The following IFTAP variants were observed in gnomAD, a reference collection of about 807,000 sequenced individuals.
IFTAP encodes the protein intraflagellar transport associated protein, also known as intraflagellar transport-associated protein.
In IFTAP, 19 loss-of-function variants were observed where a neutral mutation model predicts 19.4. That is an observed-to-expected ratio of 0.98 (90% CI 0.68 to 1.44). The LOEUF is 1.44. Among genes scored for constraint, IFTAP ranks in the 40% most tolerant of loss-of-function variants. The pLI is 0.00. For synonymous variants in IFTAP, 85 were observed against 83.5 expected (o/e 1.02, Z -0.10); for missense variants, 240 against 253.6 (o/e 0.95, Z 0.36).
At chr11:36,610,457 A>G (rs1359236967) in intron 2 of IFTAP, among the ~76,000 whole-genome samples, 3 of 152,192 alleles carry the variant, frequency 2.0e-5, no homozygotes, top group Non-Finnish European at 4.4e-5. Flanking sequence ...TGGTGTCAGA[A>G]CCACAGAATT....
intron 2 of IFTAP, among the ~76,000 whole-genome samples, chr11:36,622,719 T>G (rs16929190): frequency 0.012 from 1,820 of 152,264 alleles, 21 homozygotes; most frequent in East Asian, 0.031. Flanking sequence ...TGTGTAAAGT[T>G]TTATGATTGG....
intron 1 of IFTAP, chr11:36,598,194 C>T (rs1222629799): frequency 6.6e-6 from 1 of 151,972 alleles, no homozygotes; most frequent in African/African-American, 2.4e-5. Flanking sequence ...CACTGACTGC[C>T]CACTATGACT....
At chr11:36,629,177 ATAT>A (rs1436982435) in intron 2 of IFTAP, among the ~76,000 whole-genome samples, 1 of 151,346 alleles carries the variant, frequency 6.6e-6, no homozygotes, top group Admixed American at 6.6e-5. Flanking sequence ...TCAAGAGCAA[ATAT>A]TATTGTCCAG....
In IFTAP at chr11:36,636,097, T is replaced by C; in HGVS notation, c.338T>C (p.Ile113Thr). Residue 113 changes from isoleucine to threonine, a missense_variant, in exon 4 of 6, where the codon ATT (isoleucine) becomes ACT (threonine). Ile to Thr is a moderately conservative substitution (Grantham distance 89, BLOSUM62 -1). Coordinates refer to ENST00000334307, the MANE Select transcript of IFTAP (RefSeq NM_138787.4). ...GAAGATTTGGACATGGATGAAGAGA[T>C]TAAACCCCAAATGAGTGAGGGTATG... is the stretch of plus-strand genomic sequence containing the variant. ...DLEDLDMDEE[I>T]KPQMSEDLLL... 6 of 1,608,506 alleles carry C rather than the reference T, an allele frequency of 3.7e-6. No individual in the cohort carries two copies. The highest frequency in any genetic ancestry group is 4.3e-6 in the Non-Finnish European group (5 of 1,175,066).
In IFTAP at chr11:36,607,730, A is replaced by G. The variant is rs546487309; in HGVS notation, c.-23-2351A>G. ...CTCTTGTTGCCTAGGACGGAGTGCA[A>G]TGGTGTGATCTGGGCTCATCGCAAC... On this transcript the variant is annotated intron_variant, in intron 1 of 5. Coordinates refer to ENST00000334307, the MANE Select transcript of IFTAP (RefSeq NM_138787.4). 3.9e-5 allele frequency among the ~76,000 whole-genome samples: 6 copies of G among 152,144 alleles called. No individual in the cohort carries two copies. The South Asian group carries it at 6.2e-4, about 16-fold the overall frequency.
intron 2 of IFTAP, among the ~76,000 whole-genome samples, chr11:36,620,563 G>A (rs2133410099): frequency 6.6e-6 from 1 of 152,080 alleles, no homozygotes; most frequent in Non-Finnish European, 1.5e-5. Flanking sequence ...ACCTTCAGCT[G>A]AAGTTGTTAT....
At chr11:36,633,102 T>C (rs985891201) in intron 2 of IFTAP, among the ~76,000 whole-genome samples, 182 bp from the exon 3 acceptor site, 7 of 151,310 alleles carry the variant, frequency 4.6e-5, no homozygotes, top group Non-Finnish European at 8.8e-5. Flanking sequence ...TAATGTTATC[T>C]TTCTATCCAG....
At chr11:36,658,806 A>G (rs968500465) in intron 5 of IFTAP, among the ~76,000 whole-genome samples, 6 of 152,226 alleles carry the variant, frequency 3.9e-5, no homozygotes, top group African/African-American at 1.2e-4. Context: ...TCATTCAGAT[A>G]GAGCATGGTA....
intron 5 of IFTAP, among the ~76,000 whole-genome samples, chr11:36,655,889 T>C (rs1385169187): frequency 1.3e-5 from 2 of 152,190 alleles, no homozygotes; most frequent in Admixed American, 6.5e-5. Flanking sequence ...GAAAACTTTA[T>C]TCCATGTTAT....
At chr11:36,651,994 C>G (rs1853756894) in intron 5 of IFTAP, among the ~76,000 whole-genome samples, 1 of 152,176 alleles carries the variant, frequency 6.6e-6, no homozygotes, top group African/African-American at 2.4e-5. Context: ...CGTGATGCCT[C>G]CAGCTTTGTT....
chr11:36,641,752 T>G (rs1853211181), intron 4 of IFTAP, among the ~76,000 whole-genome samples: 1 of 152,184 alleles, frequency 6.6e-6, no homozygotes, highest in African/African-American at 2.4e-5. Flanking sequence ...TATACTCTGT[T>G]GATTTGGGGT....
intron 4 of IFTAP, among the ~76,000 whole-genome samples, chr11:36,639,851 C>T (rs541314523): frequency 1.3e-5 from 2 of 152,226 alleles, no homozygotes; most frequent in African/African-American, 2.4e-5. Flanking sequence ...ATTTTTAGTC[C>T]GTTAATGAGC....
rs138500602 is a variant in IFTAP at position 36,656,498 on chromosome 11, A to C, written c.499-2521A>C. On this transcript the variant is annotated intron_variant, in intron 5 of 5. Coordinates refer to ENST00000334307, the MANE Select transcript of IFTAP (RefSeq NM_138787.4). Reference sequence around the variant, plus strand: ...GGCAGGAGAATTGCTTGAACCTGGGAGGCGGAGGTTGCAGTGAGCTGAGAT... The same window carrying C: ...GGCAGGAGAATTGCTTGAACCTGGGCGGCGGAGGTTGCAGTGAGCTGAGAT... Among the ~76,000 whole-genome samples, 1,472 of 152,066 alleles carry C rather than the reference A, an allele frequency of 9.7e-3. 24 individuals are homozygous for C. Among genetic ancestry groups the C allele is most frequent in the African/African-American group, 0.034 (1,396 of 41,474 alleles).
At chr11:36,649,679 A>G (rs1205738607) in intron 5 of IFTAP, among the ~76,000 whole-genome samples, 1 of 152,148 alleles carries the variant, frequency 6.6e-6, no homozygotes, top group Non-Finnish European at 1.5e-5. Context: ...GAGACCCCAT[A>G]TATGGTGGTA....
rs188125365 is a variant in IFTAP, at chr11:36,621,813, T to C, written c.137-11471T>C. Among the ~76,000 whole-genome samples the C allele has an allele frequency of 2.0e-5, 3 of 152,088 alleles. No homozygotes were observed. The East Asian group carries it at 5.8e-4, about 29-fold the overall frequency. ...CCTATTGCAATCTGCTTATAAAGGA[T>C]GGTGTGATTCCCAAATGCTCTAAAT... On this transcript the variant is annotated intron_variant, in intron 2 of 5. Coordinates refer to ENST00000334307, the MANE Select transcript of IFTAP (RefSeq NM_138787.4).
chr11:36,618,634 T>C (rs1852184283), intron 2 of IFTAP, among the ~76,000 whole-genome samples: 1 of 151,900 alleles, frequency 6.6e-6, no homozygotes, highest in Non-Finnish European at 1.5e-5. Context: ...CAGGAGGGCC[T>C]TAGGTACAAG....
At chr11:36,604,486 T>C (rs1009365448) in intron 1 of IFTAP, among the ~76,000 whole-genome samples, 1 of 152,222 alleles carries the variant, frequency 6.6e-6, no homozygotes, top group Non-Finnish European at 1.5e-5. Flanking sequence ...TGTTTTGTTT[T>C]ATATTCTGCT....
chr11:36,638,221 T>G (rs566982570), intron 4 of IFTAP, among the ~76,000 whole-genome samples: 151 of 152,240 alleles, frequency 9.9e-4, no homozygotes, highest in African/African-American at 3.5e-3. Flanking sequence ...TAAATCGCCT[T>G]TTTACCTTCT....
chr11:36,639,912 C>T (rs894667748), intron 4 of IFTAP, among the ~76,000 whole-genome samples: 1 of 152,132 alleles, frequency 6.6e-6, no homozygotes, highest in African/African-American at 2.4e-5. Flanking sequence ...AAAAAAAGTT[C>T]ATTCCTAATT....
Sources: gnomAD v4.1 joint callset for allele counts (sites outside exome capture counted in the v4.1 genomes callset) on GRCh38, gnomAD v4.1.1 for gene constraint, MANE v1.5 for transcripts, NCBI Gene and HGNC (gene_info 2026-07-23, HGNC 2026-07-21) for gene names.